The following CERS3 variants were observed in gnomAD, a reference collection of about 807,000 sequenced individuals.
CERS3 encodes LAG1 homolog, ceramide synthase 3.
CERS3 carries 33 observed loss-of-function variants against 50.3 expected under a neutral mutation model. That is an observed-to-expected ratio of 0.66 (90% CI 0.50 to 0.88). The LOEUF (loss-of-function observed/expected upper bound fraction) is 0.88, where lower values mean the gene tolerates loss of function less well. Ranked by LOEUF, CERS3 falls within the 40% of genes least tolerant of loss-of-function variation. CERS3 has a pLI of 0.00. For synonymous variants in CERS3, 176 were observed against 155.2 expected, an observed-to-expected ratio of 1.13 and a Z score of -0.99; for missense variants, 470 against 460.3, an observed-to-expected ratio of 1.02 and a Z score of -0.19.
At chr15:100,465,117 C>A (rs1988458) in intron 10 of CERS3, among the ~76,000 whole-genome samples, 6,424 of 152,070 alleles carry the variant, frequency 0.042, 231 homozygotes, top group African/African-American at 0.092. Flanking sequence ...TTCGCCCCGC[C>A]CTACCGTGTA....
intron 5 of CERS3, among the ~76,000 whole-genome samples, chr15:100,481,296 G>A (rs1203178639): frequency 2.6e-5 from 4 of 152,174 alleles, no homozygotes; most frequent in Admixed American, 2.6e-4. Flanking sequence ...CTAGACGACA[G>A]TCTTTCTTCA....
rs1481770971 is a variant in CERS3, at chr15:100,476,161, C to T, written c.534G>A (p.Gln178=). 2 of 1,576,066 alleles carry T rather than the reference C, an allele frequency of 1.3e-6. No individual in the cohort carries two copies. Among genetic ancestry groups the T allele is most frequent in the Middle Eastern group, 1.7e-4 (1 of 5,982 alleles). ...GYPKQPLLPS[Q]YWYYILEMSF... ...TCATTTCTAAAATGTAGTACCAGTACTGGGATGGCAGCAGGGGCTGAGGAA... is the reference window on the plus strand; with the variant it reads ...TCATTTCTAAAATGTAGTACCAGTATTGGGATGGCAGCAGGGGCTGAGGAA... The change falls in exon 8 of 12, where the codon CAG becomes CAA. Residue 178 remains glutamine (Q), a synonymous_variant. Coordinates refer to ENST00000679737, the MANE Select transcript of CERS3 (RefSeq NM_001378789.1).
chr15:100,525,759 A>G (rs2036769441), intron 1 of CERS3, among the ~76,000 whole-genome samples: 1 of 152,220 alleles, frequency 6.6e-6, no homozygotes, highest in Non-Finnish European at 1.5e-5. Context: ...TCCAGCTACA[A>G]GGACAAATCT....
intron 2 of CERS3, among the ~76,000 whole-genome samples, chr15:100,506,470 C>CCCG (rs3084750): frequency 0.78 from 104,390 of 133,196 alleles, 42,188 homozygotes; most frequent in East Asian, 0.89. Flanking sequence ...GACCCCCCCG[C>CCCG]CGCCCCACAC....
intron 2 of CERS3, among the ~76,000 whole-genome samples, chr15:100,514,058 T>C (rs956390611): frequency 1.3e-5 from 2 of 152,172 alleles, no homozygotes; most frequent in African/African-American, 4.8e-5. Context: ...GCTCCTCAGG[T>C]CTAAAGCCTA....
chr15:100,428,301 A>G (rs144625043), intron 11 of CERS3, among the ~76,000 whole-genome samples: 17 of 152,380 alleles, frequency 1.1e-4, no homozygotes, highest in African/African-American at 4.1e-4. Context: ...TCAAGGAATC[A>G]TGTGTTTGGC....
chr15:100,457,880 T>G (rs7171529), intron 10 of CERS3, among the ~76,000 whole-genome samples: 1 of 152,226 alleles, frequency 6.6e-6, no homozygotes, highest in African/African-American at 2.4e-5. Context: ...TGAGATTTTA[T>G]GTTCAATTAC....
chr15:100,484,888 CT>C (rs1247386950), intron 4 of CERS3, among the ~76,000 whole-genome samples: 1 of 152,210 alleles, frequency 6.6e-6, no homozygotes, highest in Non-Finnish European at 1.5e-5. Context: ...CTCTAAGTTA[CT>C]GAGAAAGATC....
At chr15:100,531,840 T>C (rs1314897692), upstream of CERS3, among the ~76,000 whole-genome samples, 1 of 152,242 alleles carries the variant, frequency 6.6e-6, no homozygotes, top group African/African-American at 2.4e-5. Flanking sequence ...TATTAGCATG[T>C]TAATGATTCA....
chr15:100,487,306 C>T (rs1315045277), intron 4 of CERS3, among the ~76,000 whole-genome samples: 1 of 152,180 alleles, frequency 6.6e-6, no homozygotes, highest in Non-Finnish European at 1.5e-5. Context: ...ATAATAATAG[C>T]TGACCTTTAC....
chr15:100,461,826 T>C (rs569134043), intron 10 of CERS3, among the ~76,000 whole-genome samples: 2 of 152,242 alleles, frequency 1.3e-5, no homozygotes, highest in African/African-American at 2.4e-5. Context: ...CAGAGGGGAC[T>C]GGAGGCCAAA....
At chr15:100,459,160 T>C (rs974159) in intron 10 of CERS3, among the ~76,000 whole-genome samples, 70,159 of 152,178 alleles carry the variant, frequency 0.46, 17,081 homozygotes, top group Non-Finnish European at 0.54. Context: ...ACCCCTACTA[T>C]GTATCACCAT....
Position 100,494,210 on chromosome 15 carries a change from CATATATATATATATATATATAT to C in CERS3, c.174-3301_174-3280del, listed in dbSNP as rs1170051830. On this transcript the variant is annotated intron_variant, in intron 3 of 11. Transcript: ENST00000679737. ...TTTGCTTAGTCACCTTTTTTCTTTT[CATATATATATATATATATATAT>C]ATATATATATATATATATATATATA... Among the ~76,000 whole-genome samples, 192 of 78,124 alleles carry C rather than the reference CATATATATATATATATATATAT, an allele frequency of 2.5e-3. 8 individuals carry two copies. Among genetic ancestry groups the C allele is most frequent in the African/African-American group, 7.9e-3 (142 of 17,904 alleles). 51.3% of individuals were successfully genotyped at this position (78,124 alleles called of 152,430 possible).
chr15:100,446,028 A>G (rs955776688), intron 11 of CERS3, among the ~76,000 whole-genome samples: 3 of 151,976 alleles, frequency 2.0e-5, no homozygotes, highest in Non-Finnish European at 4.4e-5. Flanking sequence ...CCTGCCCACT[A>G]GAGAACAACC....
intron 11 of CERS3, among the ~76,000 whole-genome samples, chr15:100,404,430 C>T (rs1407713536): frequency 6.6e-6 from 1 of 152,110 alleles, no homozygotes; most frequent in East Asian, 1.9e-4. Flanking sequence ...GTAAAACCTA[C>T]AAAATTCAGA....
At chr15:100,444,653 A>G (rs1168787187) in intron 11 of CERS3, among the ~76,000 whole-genome samples, 1 of 152,178 alleles carries the variant, frequency 6.6e-6, no homozygotes, top group Non-Finnish European at 1.5e-5. Flanking sequence ...ACTGCTCCTC[A>G]GGGATTATTC....
chr15:100,533,562 CTTTTTT>C (rs59483467), upstream of CERS3, among the ~76,000 whole-genome samples: 7 of 112,402 alleles, frequency 6.2e-5, no homozygotes, highest in African/African-American at 1.0e-4. Context: ...CCCTCTCTCT[CTTTTTT>C]TTTTTTTTTT....
At chr15:100,518,638 A>G (rs1331397923) in intron 2 of CERS3, among the ~76,000 whole-genome samples, 1 of 152,220 alleles carries the variant, frequency 6.6e-6, no homozygotes, top group Non-Finnish European at 1.5e-5. Flanking sequence ...CTCTCTGCCT[A>G]TTAGTGAAAA....
chr15:100,486,998 T>A (rs1327100721), intron 4 of CERS3, among the ~76,000 whole-genome samples: 4 of 152,106 alleles, frequency 2.6e-5, no homozygotes, highest in African/African-American at 9.7e-5. Flanking sequence ...TATTTTGGAG[T>A]ACAGAAGAAT....
Sources: gnomAD v4.1 joint callset for allele counts (sites outside exome capture counted in the v4.1 genomes callset) on GRCh38, gnomAD v4.1.1 for gene constraint, MANE v1.5 for transcripts, NCBI Gene and HGNC (gene_info 2026-07-23, HGNC 2026-07-21) for gene names.